Variants in TRHDE observed in about 807,000 individuals in gnomAD.
The protein encoded by TRHDE is thyrotropin releasing hormone degrading enzyme.
A neutral mutation model predicts 125.7 loss-of-function variants in TRHDE; 72 were observed. The ratio of observed to expected loss-of-function variants is 0.57; its 90% confidence interval spans 0.47 to 0.70. The LOEUF (loss-of-function observed/expected upper bound fraction) is 0.70. Among genes scored for constraint, TRHDE ranks in the 30% least tolerant of loss-of-function variants. The probability of loss-of-function intolerance (pLI) is 0.00; values close to 1 mark genes in which losing one functional copy is unlikely to be tolerated. For missense variants in TRHDE, 1,110 were observed against 1,327.1 expected (o/e 0.84, Z 2.54); for synonymous variants, 509 against 509.1 (o/e 1.00, Z 0.00).
intron 2 of TRHDE, among the ~76,000 whole-genome samples, chr12:72,288,596 C>T (rs1879977756): frequency 6.6e-6 from 1 of 152,192 alleles, no homozygotes; most frequent in African/African-American, 2.4e-5. Flanking sequence ...CATCTCATTT[C>T]ATTTTACGTC....
At chr12:72,291,541 G>T (rs1880087651) in intron 2 of TRHDE, among the ~76,000 whole-genome samples, 1 of 152,206 alleles carries the variant, frequency 6.6e-6, no homozygotes, top group Non-Finnish European at 1.5e-5. Flanking sequence ...TTAAAGTACA[G>T]CCAGCACATA....
intron 3 of TRHDE, among the ~76,000 whole-genome samples, chr12:72,429,867 T>C (rs1874369349): frequency 6.6e-6 from 1 of 152,098 alleles, no homozygotes. Flanking sequence ...TTTTTTATTA[T>C]TGAGTTGTAA....
intron 1 of TRHDE, among the ~76,000 whole-genome samples, chr12:72,283,016 T>C (rs982678173): frequency 4.6e-5 from 7 of 152,190 alleles, no homozygotes; most frequent in East Asian, 1.9e-4. Flanking sequence ...AGTGCCAACA[T>C]TGAGAAACTC....
chr12:72,203,646 A>AT (rs771651971), intron 2 of TRHDE, among the ~76,000 whole-genome samples: 3 of 152,124 alleles, frequency 2.0e-5, no homozygotes, highest in Admixed American at 2.0e-4. Flanking sequence ...GCACAGGCCT[A>AT]TTTTTTGGTG....
At chr12:72,294,202 C>A (rs189326273) in intron 2 of TRHDE, among the ~76,000 whole-genome samples, 2 of 152,200 alleles carry the variant, frequency 1.3e-5, no homozygotes, top group South Asian at 2.1e-4. Flanking sequence ...CATGTCTCAG[C>A]CCTGTTTGTG....
At chr12:72,317,231 C>A (rs1007103837) in intron 2 of TRHDE, among the ~76,000 whole-genome samples, 7 of 152,220 alleles carry the variant, frequency 4.6e-5, no homozygotes, top group African/African-American at 1.4e-4. Context: ...TCTACTGCAT[C>A]CCCTTAAAGA....
chr12:72,643,558 A>AG (rs763599505), intron 15 of TRHDE, among the ~76,000 whole-genome samples: 8 of 152,120 alleles, frequency 5.3e-5, no homozygotes, highest in Admixed American at 1.3e-4. Context: ...AGATTCCTTC[A>AG]GGGTGGTCTA....
chr12:72,097,217 G>A (rs550051906), intron 1 of TRHDE, among the ~76,000 whole-genome samples: 36 of 152,206 alleles, frequency 2.4e-4, no homozygotes, highest in East Asian at 7.8e-4. Flanking sequence ...TCTGGCAGGT[G>A]GGTAAGAGGC....
chr12:72,437,343 C>T (rs901790424), intron 3 of TRHDE, among the ~76,000 whole-genome samples: 12 of 151,874 alleles, frequency 7.9e-5, no homozygotes, highest in Admixed American at 2.6e-4. Flanking sequence ...CCTCTCTGAT[C>T]TTCTGTCACC....
chr12:72,283,588 A>G (rs1879773301), intron 1 of TRHDE, among the ~76,000 whole-genome samples: 1 of 152,132 alleles, frequency 6.6e-6, no homozygotes, highest in African/African-American at 2.4e-5. Context: ...GTTCTTTTCA[A>G]CCCTGAGGAT....
intron 2 of TRHDE, among the ~76,000 whole-genome samples, chr12:72,327,987 G>A (rs147328090): frequency 1.3e-5 from 2 of 152,238 alleles, no homozygotes; most frequent in Admixed American, 1.3e-4. Flanking sequence ...CTTGGCTTTT[G>A]TCTAATTAAC....
At chr12:72,430,302 T>TATATGTATATATAC (rs1874391672) in intron 3 of TRHDE, among the ~76,000 whole-genome samples, 2 of 133,810 alleles carry the variant, frequency 1.5e-5, no homozygotes, top group African/African-American at 5.5e-5. Flanking sequence ...TATATATGTA[T>TATATGTATATATAC]ATATATGTAT....
intron 2 of TRHDE, among the ~76,000 whole-genome samples, chr12:72,357,455 A>G (rs1230901969): frequency 6.6e-6 from 1 of 151,536 alleles, no homozygotes; most frequent in Non-Finnish European, 1.5e-5. Context: ...AGTGATATTA[A>G]GCAATATTGT....
At position 72,289,267 on chromosome 12, in the gene TRHDE, C is replaced by T. The variant is rs191383091; in HGVS notation, c.1188+2313C>T. ...TCAGTAGCATGTAAATAATATACAG[C>T]TGAATGGTAGTAGGGCCCTAAGTGT... On this transcript the variant is annotated intron_variant, in intron 2 of 18. Coordinates refer to ENST00000261180, the MANE Select transcript of TRHDE (RefSeq NM_013381.3). Among the ~76,000 whole-genome samples, 9 of 152,110 alleles carry T rather than the reference C, an allele frequency of 5.9e-5. No individual in the cohort carries two copies. The East Asian group carries it at 1.7e-3, about 29-fold the overall frequency.
intron 12 of TRHDE, among the ~76,000 whole-genome samples, chr12:72,598,762 T>C (rs1005857024): frequency 1.3e-5 from 2 of 152,112 alleles, no homozygotes; most frequent in African/African-American, 4.8e-5. Flanking sequence ...AGAGGGTACA[T>C]GTGCAGTTTT....
At chr12:72,224,118 C>T (rs61924319) in intron 2 of TRHDE, among the ~76,000 whole-genome samples, 3 of 65,686 alleles carry the variant, frequency 4.6e-5, no homozygotes, top group Admixed American at 3.4e-4. Context: ...ATCTATCTAT[C>T]TATCTATCTA....
intron 1 of TRHDE, among the ~76,000 whole-genome samples, chr12:72,275,318 C>T (rs572973478): frequency 6.6e-6 from 1 of 152,124 alleles, no homozygotes; most frequent in South Asian, 2.1e-4. Flanking sequence ...GAAGTAACCT[C>T]CTATAAATAA....
intron 7 of TRHDE, among the ~76,000 whole-genome samples, chr12:72,557,493 A>AAGGAG (rs1869978463): frequency 6.6e-6 from 1 of 152,218 alleles, no homozygotes; most frequent in African/African-American, 2.4e-5. Context: ...TTATGGAATC[A>AAGGAG]TCCCTTTATG....
At chr12:72,633,171 G>T (rs1312980817) in intron 15 of TRHDE, among the ~76,000 whole-genome samples, 1 of 151,836 alleles carries the variant, frequency 6.6e-6, no homozygotes, top group Non-Finnish European at 1.5e-5. Context: ...AATTTTAAAA[G>T]CCACTTGAAA....
Sources: gnomAD v4.1 joint callset for allele counts (sites outside exome capture counted in the v4.1 genomes callset) on GRCh38, gnomAD v4.1.1 for gene constraint, MANE v1.5 for transcripts, NCBI Gene and HGNC (gene_info 2026-07-23, HGNC 2026-07-21) for gene names.